FRYL: variants seen among roughly 807,000 people sequenced by gnomAD.
The protein encoded by FRYL is protein furry homolog-like.
In FRYL, 150 loss-of-function variants were observed where a neutral mutation model predicts 351.2. That is an observed-to-expected ratio of 0.43 (90% CI 0.37 to 0.49). The LOEUF is 0.49. Ranked by LOEUF, FRYL falls within the 20% of genes least tolerant of loss-of-function variation. The pLI is 0.00. For synonymous variants in FRYL, 1,153 were observed against 1,257.1 expected (o/e 0.92, Z 1.75); for missense variants, 3,036 against 3,619.3 (o/e 0.84, Z 4.13).
chr4:48,662,396 G>A (rs1760918491), intron 3 of FRYL, among the ~76,000 whole-genome samples: 2 of 152,044 alleles, frequency 1.3e-5, no homozygotes, highest in Admixed American at 6.6e-5. Flanking sequence ...CTGGGCAACA[G>A]AGCGAGACCC....
At chr4:48,778,889 C>A (rs1325052214) in intron 1 of FRYL, among the ~76,000 whole-genome samples, 2 of 151,966 alleles carry the variant, frequency 1.3e-5, no homozygotes, top group Non-Finnish European at 2.9e-5. Context: ...TTCCCCTACC[C>A]TTCCAAAAGA....
At chr4:48,545,401 C>G (rs1731123837) in intron 42 of FRYL, among the ~76,000 whole-genome samples, 1 of 152,096 alleles carries the variant, frequency 6.6e-6, no homozygotes, top group African/African-American at 2.4e-5. Context: ...CCCTGAGAAC[C>G]TGCTACGCAC....
At chr4:48,516,289 C>G (rs760507836) in intron 55 of FRYL, among the ~76,000 whole-genome samples, 1 of 152,030 alleles carries the variant, frequency 6.6e-6, no homozygotes, top group Non-Finnish European at 1.5e-5. Context: ...TTCTATCCAC[C>G]GTAATGTTAC....
At chr4:48,594,185 T>C (rs1340785295) in intron 15 of FRYL, among the ~76,000 whole-genome samples, 169 bp from the exon 16 acceptor site, 18 of 55,374 alleles carry the variant, frequency 3.3e-4, no homozygotes, top group Non-Finnish European at 7.6e-4. Context: ...TGATTATAAG[T>C]ATATTATTTA....
Position 48,547,778 on chromosome 4 carries a change from G to T in FRYL, c.4889-9C>A, listed in dbSNP as rs751044847. The T allele has an allele frequency of 6.3e-6, 9 of 1,432,922 alleles. No individual in the cohort carries two copies. In the South Asian group the frequency reaches 1.5e-4, roughly 24 times the overall value. The allele number at this position is 1,432,922 out of a possible 1,614,324, so 88.8% of individuals were successfully genotyped here. Reference sequence around the variant, plus strand: ...GTGGCAGTGGTCAAACCCTAAAAAGGATAGTAGAGAAACATTATCAATAAA... The same window carrying T: ...GTGGCAGTGGTCAAACCCTAAAAAGTATAGTAGAGAAACATTATCAATAAA... On this transcript the variant is annotated splice_polypyrimidine_tract_variant and intron_variant, in intron 40 of 63. Coordinates refer to ENST00000358350, the MANE Select transcript of FRYL (RefSeq NM_015030.2).
intron 3 of FRYL, among the ~76,000 whole-genome samples, chr4:48,636,573 T>C (rs1221496355): frequency 6.6e-6 from 1 of 151,952 alleles, no homozygotes. Context: ...TTTACTGTCT[T>C]CTACTTTCTT....
intron 55 of FRYL, among the ~76,000 whole-genome samples, chr4:48,516,897 T>C (rs975676425): frequency 5.3e-5 from 8 of 152,216 alleles, no homozygotes; most frequent in African/African-American, 1.7e-4. Context: ...TGAGTCTCCT[T>C]GGAGGAAACA....
Position 48,499,669 on chromosome 4 carries a change from G to T in FRYL, c.8795C>A (p.Pro2932His). The T allele has an allele frequency of 6.2e-7, 1 of 1,613,426 alleles. No individual in the cohort carries two copies. The highest frequency in any genetic ancestry group is 1.1e-5 in the South Asian group (1 of 90,986). Residue 2932 changes from proline to histidine, a missense_variant, in exon 64 of 64, where the codon CCC (proline) becomes CAC (histidine). This residue lies in a region of FRYL where 1,987 missense variants were observed against 2,311.7 expected (regional missense o/e 0.86). Transcript: ENST00000358350. ...TTCACAACTGCCAAAGATATCACTG[G>T]GCCAGAGAGATCTGAAAATACACAA... ...AQVKAFRSLW[P>H]SDIFGSCEDD...
intron 3 of FRYL, among the ~76,000 whole-genome samples, chr4:48,651,080 TCAA>T (rs1757529508): frequency 6.6e-6 from 1 of 152,124 alleles, no homozygotes. Flanking sequence ...ACCCTGTAGT[TCAA>T]TGTGATTCCT....
At chr4:48,538,075 A>C (rs1221713618) in intron 47 of FRYL, among the ~76,000 whole-genome samples, 1 of 152,194 alleles carries the variant, frequency 6.6e-6, no homozygotes, top group Non-Finnish European at 1.5e-5. Flanking sequence ...TTACGATTAG[A>C]CTTTATTAAT....
intron 1 of FRYL, among the ~76,000 whole-genome samples, chr4:48,725,964 G>C (rs1365995104): frequency 3.3e-5 from 5 of 152,072 alleles, no homozygotes; most frequent in Non-Finnish European, 7.4e-5. Context: ...CTGAGGATAA[G>C]GGGAAACTAC....
chr4:48,571,928 G>C, intron 26 of FRYL: 1 of 984,948 alleles, frequency 1.0e-6, no homozygotes. Context: ...CTGCTATTTT[G>C]TTTTGTTTCA....
At chr4:48,701,387 G>T (rs180882674) in intron 2 of FRYL, among the ~76,000 whole-genome samples, 32 of 152,228 alleles carry the variant, frequency 2.1e-4, no homozygotes, top group Admixed American at 1.8e-3. Context: ...CACAATGTAT[G>T]CAGTATAGTT....
chr4:48,601,637 A>G (rs951445874), intron 13 of FRYL, among the ~76,000 whole-genome samples: 3 of 152,174 alleles, frequency 2.0e-5, no homozygotes, highest in Non-Finnish European at 4.4e-5. Context: ...GCTTTTTCTC[A>G]TATTGTTCAG....
chr4:48,604,624 G>C (rs1159677925), intron 11 of FRYL, among the ~76,000 whole-genome samples: 1 of 152,188 alleles, frequency 6.6e-6, no homozygotes, highest in Non-Finnish European at 1.5e-5. Flanking sequence ...GGGGCATGGA[G>C]CAGGTTCCTC....
At chr4:48,677,784 G>A (rs1412712293) in intron 3 of FRYL, among the ~76,000 whole-genome samples, 1 of 152,182 alleles carries the variant, frequency 6.6e-6, no homozygotes, top group African/African-American at 2.4e-5. Context: ...ATAAAGCTTT[G>A]AGATTACATG....
At chr4:48,577,119 T>C (rs189271305) in intron 23 of FRYL, among the ~76,000 whole-genome samples, 1 of 152,322 alleles carries the variant, frequency 6.6e-6, no homozygotes, top group Non-Finnish European at 1.5e-5. Flanking sequence ...TTATACACAA[T>C]ACTATACATT....
chr4:48,718,060 G>C (rs1309141504), intron 1 of FRYL, among the ~76,000 whole-genome samples: 2 of 151,586 alleles, frequency 1.3e-5, no homozygotes, highest in Admixed American at 6.6e-5. Context: ...CAAGCAACAA[G>C]TTCTGAGCTT....
rs2149132958 is a variant in FRYL, at chr4:48,576,173, A to G, written c.2578T>C (p.Tyr860His). 1 of 1,613,456 alleles carries G rather than the reference A, an allele frequency of 6.2e-7. No individual in the cohort carries two copies. Among genetic ancestry groups the G allele is most frequent in the Non-Finnish European group, 8.5e-7 (1 of 1,179,730 alleles). ...AGATAGTTTCTCCACAGGCCAATGT[A>G]TGAGTCACTGCTTGTGGTGGTATTT... is the stretch of plus-strand genomic sequence containing the variant. ...KVNTTTSSDSYIGLWRNYLIL... is the reference protein window; with the variant it reads ...KVNTTTSSDSHIGLWRNYLIL... The change falls in exon 24 of 64, where the codon TAC becomes CAC. Residue 860 changes from tyrosine to histidine, a missense_variant. By Grantham distance (83) the Tyr-to-His change is moderately conservative. Transcript: ENST00000358350.
Sources: gnomAD v4.1 joint callset for allele counts (sites outside exome capture counted in the v4.1 genomes callset) on GRCh38, gnomAD v4.1.1 for gene constraint, gnomAD v4.1.1 regional missense constraint, MANE v1.5 for transcripts, NCBI Gene and HGNC (gene_info 2026-07-23, HGNC 2026-07-21) for gene names.